The following RNF212 variants were observed in gnomAD, a reference collection of about 807,000 sequenced individuals.
The protein encoded by RNF212 is probable E3 SUMO-protein ligase RNF212.
A neutral mutation model predicts 34.7 loss-of-function variants in RNF212; 33 were observed. That is an observed-to-expected ratio of 0.95 (90% CI 0.72 to 1.27). RNF212 has a LOEUF of 1.27. Among genes scored for constraint, RNF212 ranks in the 50% most tolerant of loss-of-function variants. RNF212 has a pLI of 0.00. For missense variants in RNF212, 377 were observed against 362.2 expected (o/e 1.04, Z -0.33); for synonymous variants, 140 against 136.1 (o/e 1.03, Z -0.20).
chr4:1,082,790 A>G (rs757312613), intron 5 of RNF212, among the ~76,000 whole-genome samples: 216 of 152,380 alleles, frequency 1.4e-3, no homozygotes, highest in Non-Finnish European at 2.7e-3. Context: ...CCTGGTGCTC[A>G]GTAAACACTG....
intron 3 of RNF212, chr4:1,093,755 G>T: frequency 6.5e-7 from 1 of 1,536,260 alleles, no homozygotes; most frequent in Non-Finnish European, 8.7e-7. Flanking sequence ...GCCCCAAGGG[G>T]ACTTGGTGTG....
chr4:1,111,434 C>G (rs1725640084), intron 1 of RNF212, among the ~76,000 whole-genome samples: 1 of 152,192 alleles, frequency 6.6e-6, no homozygotes, highest in African/African-American at 2.4e-5. Flanking sequence ...CAGACATGAG[C>G]TCAGGGGCCC....
At chr4:1,080,816 T>C (rs898111613) in intron 7 of RNF212, among the ~76,000 whole-genome samples, 1 of 152,232 alleles carries the variant, frequency 6.6e-6, no homozygotes, top group Non-Finnish European at 1.5e-5. Context: ...AGGGGTGGAC[T>C]GAATTTGTGC....
chr4:1,075,599 A>G (rs928214299), intron 8 of RNF212, among the ~76,000 whole-genome samples: 3 of 152,398 alleles, frequency 2.0e-5, no homozygotes, highest in East Asian at 3.9e-4. Context: ...CACCTCGGGC[A>G]CTGGGGATTA....
At chr4:1,109,758 T>C (rs909912601) in intron 1 of RNF212, among the ~76,000 whole-genome samples, 1 of 152,134 alleles carries the variant, frequency 6.6e-6, no homozygotes, top group Non-Finnish European at 1.5e-5. Flanking sequence ...AACAACCCAC[T>C]TCACGCTACC....
chr4:1,096,522 G>A, intron 3 of RNF212: 1 of 459,096 alleles, frequency 2.2e-6, no homozygotes, highest in Non-Finnish European at 3.9e-6. Context: ...ACCCCCCACA[G>A]CTCCACGGTC....
At chr4:1,097,431 C>T (rs938724224) in intron 2 of RNF212, among the ~76,000 whole-genome samples, 8 of 151,968 alleles carry the variant, frequency 5.3e-5, no homozygotes, top group Non-Finnish European at 1.2e-4. Context: ...AGTGAAACCC[C>T]GTCTCTACTA....
At chr4:1,075,469 G>T (rs1428275491) in intron 8 of RNF212, among the ~76,000 whole-genome samples, 1 of 152,132 alleles carries the variant, frequency 6.6e-6, no homozygotes, top group African/African-American at 2.4e-5. Context: ...GCAAGAGACT[G>T]GGGGGTGGTG....
At chr4:1,108,104 T>C (rs1725098762) in intron 2 of RNF212, among the ~76,000 whole-genome samples, 1 of 152,206 alleles carries the variant, frequency 6.6e-6, no homozygotes, top group South Asian at 2.1e-4. Context: ...CCACTTTCAT[T>C]TCCAGGAACA....
rs531994599 is a variant in RNF212, at chr4:1,102,427, C to A, written c.172-5588G>T. 2.0e-5 allele frequency among the ~76,000 whole-genome samples: 3 copies of A among 152,240 alleles called. No homozygotes were observed. In the South Asian group the frequency reaches 6.2e-4, roughly 32 times the overall value. ...TCATGAATACTGTATTTTTGATCTG[C>A]ATCTGACTGGAAAAATCTCTATGTA... is the stretch of plus-strand genomic sequence containing the variant. On this transcript the variant is annotated intron_variant, in intron 2 of 9. Transcript: ENST00000433731.
intron 8 of RNF212, among the ~76,000 whole-genome samples, chr4:1,076,500 C>G (rs1577659686): frequency 6.6e-6 from 1 of 152,148 alleles, no homozygotes; most frequent in South Asian, 2.1e-4. Flanking sequence ...GGAGGTTCAC[C>G]TCGAGAGAGG....
chr4:1,075,767 CTGG>C (rs1719196410), intron 8 of RNF212, among the ~76,000 whole-genome samples: 1 of 152,200 alleles, frequency 6.6e-6, no homozygotes, highest in Admixed American at 6.5e-5. Context: ...CCTCAACCTC[CTGG>C]TGGTGATCCT....
rs184230819 is a variant in RNF212, at chr4:1,063,572, G to A, written n.148-5179C>T. On this transcript the variant is annotated intron_variant and non_coding_transcript_variant, in intron 3 of 4. Transcript: ENST00000503206. ...CAAAACTAGCCAGGTGTGGTGGTGC[G>A]CACCTGTAATCCCAGCTCGTCAGGA... Among the ~76,000 whole-genome samples, 38 of 151,578 alleles carry A rather than the reference G, an allele frequency of 2.5e-4. No homozygotes were observed. In the East Asian group the frequency reaches 2.9e-3, roughly 12 times the overall value.
At chr4:1,086,005 C>T (rs1721104828) in intron 4 of RNF212, 51 bp from the exon 5 acceptor site, 1 of 1,291,208 alleles carries the variant, frequency 7.7e-7, no homozygotes. Context: ...TGCTGAGTGA[C>T]ATGTGACCCT....
At chr4:1,083,183 A>G (rs1265314020) in intron 5 of RNF212, among the ~76,000 whole-genome samples, 1 of 152,236 alleles carries the variant, frequency 6.6e-6, no homozygotes, top group Non-Finnish European at 1.5e-5. Context: ...GTGGAAGAAA[A>G]GAAGGCAGAT....
chr4:1,100,477 C>T (rs1192249305), intron 2 of RNF212: 5 of 150,442 alleles, frequency 3.3e-5, no homozygotes, highest in Non-Finnish European at 5.8e-5. Context: ...GTGCGATCTC[C>T]GCTCACCGCA....
Position 1,087,379 on chromosome 4 carries a change from A to T in RNF212, c.304-1425T>A, listed in dbSNP as rs1473223270. Among the ~76,000 whole-genome samples, 6 of 64,690 alleles carry T rather than the reference A, an allele frequency of 9.3e-5. No homozygotes were observed. The Admixed American group carries it at 1.0e-3, about 11-fold the overall frequency. The allele number at this position is 64,690 out of a possible 152,430, so 42.4% of individuals were successfully genotyped here. On this transcript the variant is annotated intron_variant, in intron 4 of 9. Coordinates refer to ENST00000433731, the MANE Select transcript of RNF212 (RefSeq NM_001131034.4). The stretch of plus-strand genomic sequence containing the variant: ...GGGGTGAGAGGATGGGGTGGGGGTG[A>T]GAGGATGGGGTGGGGGTGACAGGAT...
At chr4:1,087,695 T>C (rs62294747) in intron 4 of RNF212, among the ~76,000 whole-genome samples, 6,716 of 151,374 alleles carry the variant, frequency 0.044, 166 homozygotes, top group Middle Eastern at 0.075. Context: ...TCATCTCAAA[T>C]TGTAATCCCA....
rs1726123462 is a variant in RNF212, at chr4:1,113,356, C to A, written c.109G>T (p.Gly37Cys). Residue 37 changes from glycine (G) to cysteine (C), a missense_variant and splice_region_variant, in exon 1 of 10, where the codon GGT becomes TGT. Coordinates refer to ENST00000433731, the MANE Select transcript of RNF212 (RefSeq NM_001131034.4). ...CAGCCTGCGTTCGGGAAGCCCTGACCTTTGCCGAGGCAGGCGTCGCAGTAC... is the reference window on the plus strand; with the variant it reads ...CAGCCTGCGTTCGGGAAGCCCTGACATTTGCCGAGGCAGGCGTCGCAGTAC... ...HVYCDACLGKGKKNECLICKA... is the reference protein window; with the variant it reads ...HVYCDACLGKCKKNECLICKA... 6.3e-7 allele frequency: 1 copy of A among 1,578,008 alleles called. No individual in the cohort carries two copies. Among genetic ancestry groups the A allele is most frequent in the African/African-American group, 1.5e-5 (1 of 68,220 alleles).
Sources: gnomAD v4.1 joint callset for allele counts (sites outside exome capture counted in the v4.1 genomes callset) on GRCh38, gnomAD v4.1.1 for gene constraint, MANE v1.5 for transcripts, NCBI Gene and HGNC (gene_info 2026-07-23, HGNC 2026-07-21) for gene names.